Variants in SNAPC3 observed in about 807,000 individuals in gnomAD.
SNAPC3 encodes the protein snRNA-activating protein complex subunit 3.
A neutral mutation model predicts 47.7 loss-of-function variants in SNAPC3; 56 were observed. The ratio of observed to expected loss-of-function variants is 1.18; its 90% CI spans 0.95 to 1.47. SNAPC3 has a LOEUF of 1.47. SNAPC3 is among the 40% of genes most tolerant of loss of function. The pLI is 0.00. For missense variants in SNAPC3, 665 were observed against 511.3 expected (o/e 1.30, Z -2.90); for synonymous variants, 235 against 189.9 (o/e 1.24, Z -1.95).
intron 3 of SNAPC3, among the ~76,000 whole-genome samples, chr9:15,443,848 G>C (rs1243954048): frequency 6.6e-6 from 1 of 152,216 alleles, no homozygotes; most frequent in Admixed American, 6.5e-5. Context: ...TTTGCACACA[G>C]TGCTTACTAA....
intron 3 of SNAPC3, among the ~76,000 whole-genome samples, chr9:15,443,278 ATAAT>A (rs2033656861): frequency 6.6e-6 from 1 of 152,236 alleles, no homozygotes; most frequent in African/African-American, 2.4e-5. Context: ...GCCTGTAGGA[ATAAT>A]TAATTGACAC....
chr9:15,443,448 G>C (rs1412876153), intron 3 of SNAPC3, among the ~76,000 whole-genome samples: 1 of 151,958 alleles, frequency 6.6e-6, no homozygotes, highest in Non-Finnish European at 1.5e-5. Context: ...TGCATGGCTG[G>C]AGCTGCCTGT....
rs368049767 is a variant in SNAPC3 at position 15,423,971 on chromosome 9, A to T, written c.377A>T (p.Asp126Val). ...CCAGAAGTCATTCCGGAGAATACTG[A>T]CCTGGTGACTTTGGGGTATGGAGGA... ...EDPEVIPENT[D>V]LVTLGVRKRF... The change falls in exon 2 of 9, where the codon GAC becomes GTC. Residue 126 changes from aspartate (D) to valine (V), a missense_variant. By Grantham distance (152) the Asp-to-Val change is radical. Transcript: ENST00000380821. The T allele has an allele frequency of 1.7e-5, 27 of 1,577,120 alleles. No homozygotes were observed. Among genetic ancestry groups the T allele is most frequent in the East Asian group, 1.4e-4 (6 of 42,594 alleles).
At chr9:15,434,565 G>A (rs369831790) in intron 3 of SNAPC3, among the ~76,000 whole-genome samples, 38 of 152,102 alleles carry the variant, frequency 2.5e-4, no homozygotes, top group African/African-American at 8.9e-4. Context: ...CTGCCACCAT[G>A]CCTGGCTCAT....
intron 2 of SNAPC3, among the ~76,000 whole-genome samples, chr9:15,430,763 A>T (rs1306413783): frequency 1.3e-5 from 2 of 152,194 alleles, no homozygotes; most frequent in African/African-American, 4.8e-5. Flanking sequence ...GCTATGGGAA[A>T]TCCACACGGT....
At chr9:15,440,550 AC>A (rs1443222496) in intron 3 of SNAPC3, among the ~76,000 whole-genome samples, 3 of 152,320 alleles carry the variant, frequency 2.0e-5, no homozygotes, top group African/African-American at 4.8e-5. Context: ...TAAAAGCTGA[AC>A]ACAGTGGTGG....
Position 15,424,946 on chromosome 9 carries a change from G to C in SNAPC3, c.392+960G>C, listed in dbSNP as rs186478163. 1.2e-3 allele frequency among the ~76,000 whole-genome samples: 182 copies of C among 152,234 alleles called. 1 individual carries two copies. Among genetic ancestry groups the C allele is most frequent in the African/African-American group, 4.3e-3 (179 of 41,536 alleles). On this transcript the variant is annotated intron_variant, in intron 2 of 8. Transcript: ENST00000380821. Reference sequence around the variant, plus strand: ...CAGCAACACCTGGAGCACTGTGCAAGGTTCTTAAGTGTCTTTGATAAGTAC... The same window carrying C: ...CAGCAACACCTGGAGCACTGTGCAACGTTCTTAAGTGTCTTTGATAAGTAC...
intron 3 of SNAPC3, among the ~76,000 whole-genome samples, chr9:15,438,206 G>T (rs1219980862): frequency 6.6e-6 from 1 of 152,136 alleles, no homozygotes; most frequent in East Asian, 1.9e-4. Context: ...AATCAGTTTT[G>T]ATAGTTTGTA....
At chr9:15,428,300 T>C (rs1450113089) in intron 2 of SNAPC3, among the ~76,000 whole-genome samples, 2 of 151,832 alleles carry the variant, frequency 1.3e-5, no homozygotes, top group African/African-American at 4.8e-5. Flanking sequence ...AATAACTGTT[T>C]ATACAGATCA....
intron 7 of SNAPC3, among the ~76,000 whole-genome samples, chr9:15,454,559 G>A (rs1289977424): frequency 6.6e-6 from 1 of 152,216 alleles, no homozygotes; most frequent in Non-Finnish European, 1.5e-5. Flanking sequence ...GGATGTCTGG[G>A]AGGAAAAATA....
intron 2 of SNAPC3, 83 bp from the exon 3 acceptor site, chr9:15,433,469 A>T (rs902504232): frequency 1.0e-5 from 9 of 869,352 alleles, no homozygotes; most frequent in Non-Finnish European, 1.7e-5. Flanking sequence ...AAAATAAAAA[A>T]ACTTGAATGT....
At chr9:15,459,494 C>G (rs895542137) in intron 8 of SNAPC3, among the ~76,000 whole-genome samples, 4 of 152,128 alleles carry the variant, frequency 2.6e-5, no homozygotes, top group African/African-American at 9.7e-5. Flanking sequence ...AGAGAAACAG[C>G]ATTCTGCAGT....
At chr9:15,428,111 CAAAAAAAA>C (rs34074367) in intron 2 of SNAPC3, among the ~76,000 whole-genome samples, 4 of 73,014 alleles carry the variant, frequency 5.5e-5, no homozygotes. Flanking sequence ...ACTCTGTCTC[CAAAAAAAA>C]AAAAAAAAAA....
downstream of SNAPC3, chr9:15,464,664 C>T (rs2035489531): frequency 5.1e-6 from 1 of 197,968 alleles, no homozygotes; most frequent in Non-Finnish European, 1.0e-5. Flanking sequence ...TTAGTGACTT[C>T]CTAAAGACAT....
Position 15,457,984 on chromosome 9 carries a change from G to A in SNAPC3, c.1005G>A (p.Leu335=). The change falls in exon 8 of 9, where the codon TTG becomes TTA. Residue 335 remains leucine, a synonymous_variant. Transcript: ENST00000380821. ...GGCTTGTGCATCATGATGACTGCTT[G>A]GATAGGACATTGTATCCCCTCCTTA... is the stretch of plus-strand genomic sequence containing the variant. ...DIRLVHHDDC[L]DRTLYPLLIK... is the part of the protein sequence containing the mutation. 4 of 1,589,718 alleles carry A rather than the reference G, an allele frequency of 2.5e-6. No individual in the cohort carries two copies. The highest frequency in any genetic ancestry group is 3.4e-6 in the Non-Finnish European group (4 of 1,171,812).
In SNAPC3 at chr9:15,453,464, T is replaced by TA. The variant is rs1228533609; in HGVS notation, c.980+264dup. 5 of 304,754 alleles carry TA rather than the reference T, an allele frequency of 1.6e-5. No individual in the cohort carries two copies. The East Asian group carries it at 3.0e-4, about 18-fold the overall frequency. 18.9% of individuals were successfully genotyped at this position (304,754 alleles called of 1,614,324 possible). A position where few individuals can be genotyped will look rare whatever the true frequency, so the allele number is the denominator to read the frequency against. On this transcript the variant is annotated intron_variant, in intron 7 of 8. Coordinates refer to ENST00000380821, the MANE Select transcript of SNAPC3 (RefSeq NM_001039697.2). ...GACGGTTAAAAATCTGTTAATACTT[T>TA]AAAAAGTATCTCTATTTTGTATTAA...
At chr9:15,427,335 CTTAT>C (rs1042657985) in intron 2 of SNAPC3, among the ~76,000 whole-genome samples, 11 of 152,218 alleles carry the variant, frequency 7.2e-5, no homozygotes, top group Middle Eastern at 3.4e-3. Flanking sequence ...AGCAACATCA[CTTAT>C]TTATTTGTTT....
chr9:15,426,264 T>A (rs867011097), intron 2 of SNAPC3, among the ~76,000 whole-genome samples: 1 of 151,876 alleles, frequency 6.6e-6, no homozygotes, highest in African/African-American at 2.4e-5. Flanking sequence ...CCCAGAACAG[T>A]CATTCTTGCT....
At chr9:15,441,481 A>T (rs1587282934) in intron 3 of SNAPC3, among the ~76,000 whole-genome samples, 1 of 137,212 alleles carries the variant, frequency 7.3e-6, no homozygotes, top group African/African-American at 2.7e-5. Context: ...TAGTGGAGGG[A>T]AGGTCAGCAG....
Sources: gnomAD v4.1 joint callset for allele counts (sites outside exome capture counted in the v4.1 genomes callset) on GRCh38, gnomAD v4.1.1 for gene constraint, MANE v1.5 for transcripts, NCBI Gene and HGNC (gene_info 2026-07-23, HGNC 2026-07-21) for gene names.